Variants in WASF1 observed in about 807,000 individuals in gnomAD.
WASF1 encodes WASP family member 1, also known as actin-binding protein WASF1.
A neutral mutation model predicts 50.5 loss-of-function variants in WASF1; 7 were observed. The ratio of observed to expected loss-of-function variants is 0.14; its 90% confidence interval spans 0.08 to 0.26. WASF1 has a LOEUF of 0.26. Ranked by LOEUF, WASF1 falls within the 10% of genes least tolerant of loss-of-function variation. WASF1 has a pLI of 1.00. For missense variants in WASF1, 470 were observed against 694.7 expected (o/e 0.68, Z 3.64); for synonymous variants, 205 against 244.0 (o/e 0.84, Z 1.49).
Position 110,113,337 on chromosome 6 carries a change from T to C in WASF1, c.257A>G (p.Lys86Arg). 1 of 1,566,000 alleles carries C rather than the reference T, an allele frequency of 6.4e-7. No homozygotes were observed. Among genetic ancestry groups the C allele is most frequent in the Non-Finnish European group, 8.6e-7 (1 of 1,160,130 alleles). ...ATTAATAAGCTTACATTCTTCTTCCTTTGGATCAAGCTGTGTAACACTAAC... is the reference window on the plus strand; with the variant it reads ...ATTAATAAGCTTACATTCTTCTTCCCTTGGATCAAGCTGTGTAACACTAAC... ...LSVSVTQLDP[K>R]EEELSLQDIT... The change falls in exon 5 of 11, where the codon AAG (lysine) becomes AGG (arginine). Residue 86 changes from lysine (K) to arginine (R), a missense_variant. By Grantham distance (26) the Lys-to-Arg change is conservative. Transcript: ENST00000392589.
chr6:110,104,387 T>C (rs1773226647), intron 8 of WASF1, among the ~76,000 whole-genome samples: 1 of 152,188 alleles, frequency 6.6e-6, no homozygotes, highest in Non-Finnish European at 1.5e-5. Context: ...ATAGTATCTC[T>C]CAGATGTATA....
At chr6:110,118,112 C>A (rs1481836395) in intron 4 of WASF1, among the ~76,000 whole-genome samples, 1 of 151,704 alleles carries the variant, frequency 6.6e-6, no homozygotes, top group African/African-American at 2.4e-5. Context: ...AATTAACAGG[C>A]AAAATAACCA....
intron 4 of WASF1, among the ~76,000 whole-genome samples, chr6:110,119,284 G>C (rs1394381417): frequency 6.6e-6 from 1 of 152,074 alleles, no homozygotes. Context: ...AAAATAGATA[G>C]ACCGCTAGCA....
intron 3 of WASF1, among the ~76,000 whole-genome samples, 183 bp downstream of exon 3, chr6:110,160,452 T>A (rs988258413): frequency 6.6e-6 from 1 of 151,702 alleles, no homozygotes; most frequent in African/African-American, 2.4e-5. Flanking sequence ...TCCAAATCTA[T>A]TGTAAAACCA....
At chr6:110,143,836 T>G (rs1583992498) in intron 3 of WASF1, among the ~76,000 whole-genome samples, 2 of 152,318 alleles carry the variant, frequency 1.3e-5, no homozygotes, top group East Asian at 3.9e-4. Context: ...ACTAAAAAAT[T>G]ATATGTCATA....
chr6:110,102,381 A>C (rs1773133871), intron 9 of WASF1, among the ~76,000 whole-genome samples, 165 bp from the exon 10 acceptor site: 1 of 152,028 alleles, frequency 6.6e-6, no homozygotes, highest in Non-Finnish European at 1.5e-5. Context: ...AAAAAAAAAA[A>C]GAACTAAAAG....
At chr6:110,160,756 T>C (rs1338342416) in intron 2 of WASF1, 24 bp from the exon 3 acceptor site, 1 of 151,744 alleles carries the variant, frequency 6.6e-6, no homozygotes, top group African/African-American at 2.4e-5. Context: ...AGAACAAAAA[T>C]AATATCCAAC....
At chr6:110,172,246 C>A (rs192789478) in intron 2 of WASF1, among the ~76,000 whole-genome samples, 1 of 152,044 alleles carries the variant, frequency 6.6e-6, no homozygotes. Flanking sequence ...ATGTTTATTG[C>A]GACACCATTC....
chr6:110,143,847 G>C (rs1199076275), intron 3 of WASF1, among the ~76,000 whole-genome samples: 1 of 152,134 alleles, frequency 6.6e-6, no homozygotes, highest in East Asian at 1.9e-4. Flanking sequence ...ATATGTCATA[G>C]AAATATAATT....
intron 3 of WASF1, among the ~76,000 whole-genome samples, chr6:110,143,100 A>T (rs945001758): frequency 2.6e-5 from 4 of 151,950 alleles, no homozygotes; most frequent in African/African-American, 9.7e-5. Context: ...CCCTAAAAAG[A>T]TTTTAAAATA....
At chr6:110,177,943 TG>T (rs1198831353) in intron 2 of WASF1, among the ~76,000 whole-genome samples, 1 of 146,404 alleles carries the variant, frequency 6.8e-6, no homozygotes, top group Non-Finnish European at 1.5e-5. Flanking sequence ...TTCTTATATT[TG>T]CAAAAAAAAA....
rs1773027391 is a variant in WASF1, at chr6:110,100,371, T to C, written c.*151A>G. On this transcript the variant is annotated 3_prime_UTR_variant, in exon 11 of 11. Coordinates refer to ENST00000392589, the MANE Select transcript of WASF1 (RefSeq NM_003931.3). ...ATTTAGTTTGAAATGTATGCTAATA[T>C]TTTCCTTAGAAATCAAAAGTTATGG... The C allele has an allele frequency of 4.1e-6, 3 of 736,472 alleles. No individual in the cohort carries two copies. Among genetic ancestry groups the C allele is most frequent in the Non-Finnish European group, 6.1e-6 (3 of 490,352 alleles). 45.6% of individuals were successfully genotyped at this position (736,472 alleles called of 1,614,324 possible).
rs377750682 is a variant in WASF1 at position 110,100,565 on chromosome 6, G to A, written c.1637C>T (p.Ser546Leu). Residue 546 changes from serine (S) to leucine (L), a missense_variant, in exon 11 of 11, where the codon TCG becomes TTG. Physicochemically the swap from Ser to Leu is moderately radical, Grantham distance 145 (BLOSUM62 -2). Coordinates refer to ENST00000392589, the MANE Select transcript of WASF1 (RefSeq NM_003931.3). ...SRRIAVEYSD[S>L]EDDSEFDEVD... ...TTCATCAAATTCTGAATCATCTTCC[G>A]AATCACTATATTCAACAGCAATACG... The A allele has an allele frequency of 3.7e-6, 6 of 1,612,458 alleles. No individual in the cohort carries two copies. In the African/African-American group the frequency reaches 4.0e-5, roughly 11 times the overall value.
At chr6:110,133,218 T>C (rs1583972370) in intron 3 of WASF1, among the ~76,000 whole-genome samples, 1 of 152,180 alleles carries the variant, frequency 6.6e-6, no homozygotes, top group East Asian at 1.9e-4. Context: ...CATACATCCA[T>C]ATTTTTGCAA....
At chr6:110,171,789 A>C (rs187943644) in intron 2 of WASF1, among the ~76,000 whole-genome samples, 1 of 152,298 alleles carries the variant, frequency 6.6e-6, no homozygotes, top group Non-Finnish European at 1.5e-5. Flanking sequence ...CCCTTCTGAC[A>C]AAGGGCTAAT....
intron 4 of WASF1, among the ~76,000 whole-genome samples, chr6:110,115,611 T>C (rs551714708): frequency 1.3e-5 from 2 of 152,346 alleles, no homozygotes; most frequent in South Asian, 4.1e-4. Flanking sequence ...ATGACAGCTC[T>C]AATTCAGGCT....
At chr6:110,128,305 A>C (rs1377395763) in intron 3 of WASF1, among the ~76,000 whole-genome samples, 2 of 152,172 alleles carry the variant, frequency 1.3e-5, no homozygotes, top group Admixed American at 1.3e-4. Flanking sequence ...TCTCCTAAAA[A>C]CACTGTTTTT....
At chr6:110,136,784 C>T (rs1298143522) in intron 3 of WASF1, among the ~76,000 whole-genome samples, 1 of 152,148 alleles carries the variant, frequency 6.6e-6, no homozygotes, top group Admixed American at 6.5e-5. Context: ...TAATATCTGA[C>T]TACTTTTATT....
intron 3 of WASF1, among the ~76,000 whole-genome samples, chr6:110,132,591 A>G (rs954097667): frequency 2.6e-5 from 4 of 151,864 alleles, no homozygotes; most frequent in Non-Finnish European, 4.4e-5. Flanking sequence ...GGGTGCATGT[A>G]TAAGTTCTTT....
Sources: allele counts gnomAD v4.1 joint callset (sites outside exome capture counted in the v4.1 genomes callset), GRCh38; gene constraint gnomAD v4.1.1; transcripts MANE v1.5; gene names NCBI Gene and HGNC (gene_info 2026-07-23, HGNC 2026-07-21).